The following ABI3BP variants were observed in gnomAD, a reference collection of about 807,000 sequenced individuals.
ABI3BP encodes the protein ABI family member 3 binding protein.
A neutral mutation model predicts 268.6 loss-of-function variants in ABI3BP; 216 were observed. The ratio of observed to expected loss-of-function variants is 0.80; its 90% CI spans 0.72 to 0.90. ABI3BP has a LOEUF of 0.90. Ranked by LOEUF, ABI3BP falls within the 40% of genes least tolerant of loss-of-function variation. The probability of loss-of-function intolerance (pLI) is 0.00; values close to 1 mark genes in which losing one functional copy is unlikely to be tolerated. For synonymous variants in ABI3BP, 730 were observed against 730.0 expected, an observed-to-expected ratio of 1.00 and a Z score of 0.00; for missense variants, 2,090 against 2,182.4, an observed-to-expected ratio of 0.96 and a Z score of 0.84.
intron 1 of ABI3BP, among the ~76,000 whole-genome samples, chr3:100,973,584 C>T (rs912917353): frequency 2.6e-5 from 4 of 152,156 alleles, no homozygotes; most frequent in African/African-American, 4.8e-5. Flanking sequence ...TTCATTCCTT[C>T]TTTCACCAAC....
In ABI3BP at chr3:100,982,173, TGG is replaced by T. The variant is rs1176808241; in HGVS notation, c.79+11131_79+11132del. 1.6e-4 allele frequency among the ~76,000 whole-genome samples: 16 copies of T among 101,434 alleles called. No individual in the cohort carries two copies. The East Asian group carries it at 0.016, about 99-fold the overall frequency. 66.5% of individuals were successfully genotyped at this position (101,434 alleles called of 152,430 possible). A position where few individuals can be genotyped will look rare whatever the true frequency, so the allele number is the denominator to read the frequency against. The stretch of plus-strand genomic sequence containing the variant: ...AGAACTCACTATCACGAGAACAGCG[TGG>T]GAGAAACCACCCCCATGATCCAATC... On this transcript the variant is annotated intron_variant, in intron 1 of 67. Coordinates refer to ENST00000471714, the MANE Select transcript of ABI3BP (RefSeq NM_001375547.2).
intron 1 of ABI3BP, among the ~76,000 whole-genome samples, chr3:100,974,218 CACTT>C (rs1562211250): frequency 6.6e-6 from 1 of 152,082 alleles, no homozygotes; most frequent in African/African-American, 2.4e-5. Flanking sequence ...TATAAACAAA[CACTT>C]AATATATGAC....
In ABI3BP at chr3:100,758,420, G is replaced by A. The variant is rs1422122538; in HGVS notation, c.4851-3729C>T. On this transcript the variant is annotated intron_variant, in intron 63 of 67. Coordinates refer to ENST00000471714, the MANE Select transcript of ABI3BP (RefSeq NM_001375547.2). ...ATAAGTATTCACTAGTATCATATTT[G>A]TATCTCTAGATAATTTTTTTTAAAG... Among the ~76,000 whole-genome samples the A allele has an allele frequency of 2.0e-5, 3 of 152,268 alleles. No homozygotes were observed. In the East Asian group the frequency reaches 5.8e-4, roughly 29 times the overall value.
chr3:100,878,822 C>A (rs1024640537), intron 6 of ABI3BP, among the ~76,000 whole-genome samples: 5 of 138,242 alleles, frequency 3.6e-5, no homozygotes, highest in Non-Finnish European at 8.1e-5. Context: ...TGGCATATAG[C>A]CTCTAACTCC....
rs568312676 is a variant in ABI3BP at position 100,886,031 on chromosome 3, C to A, written c.643+111G>T. Reference sequence around the variant, plus strand: ...CTTCTATATTTTCATAAATACTAGACCTTAGGAATTAGCTTATTTCATATT... The same window carrying A: ...CTTCTATATTTTCATAAATACTAGAACTTAGGAATTAGCTTATTTCATATT... On this transcript the variant is annotated intron_variant, in intron 5 of 67. Transcript: ENST00000471714. 7 of 754,718 alleles carry A rather than the reference C, an allele frequency of 9.3e-6. No individual in the cohort carries two copies. The Admixed American group carries it at 1.4e-4, about 15-fold the overall frequency. 46.8% of individuals were successfully genotyped at this position (754,718 alleles called of 1,614,324 possible). A position where few individuals can be genotyped will look rare whatever the true frequency, so the allele number is the denominator to read the frequency against.
intron 1 of ABI3BP, among the ~76,000 whole-genome samples, chr3:100,985,969 T>TA (rs1197114343): frequency 7.2e-5 from 11 of 152,234 alleles, no homozygotes; most frequent in Admixed American, 7.2e-4. Flanking sequence ...GACTCTTACA[T>TA]AATCTGAGGT....
intron 2 of ABI3BP, among the ~76,000 whole-genome samples, chr3:100,908,574 T>A (rs2054661175): frequency 6.6e-6 from 1 of 151,262 alleles, no homozygotes; most frequent in Middle Eastern, 3.4e-3. Context: ...GGATACAAAA[T>A]CAATGTGCAA....
At chr3:100,931,190 C>G (rs2063514376) in intron 1 of ABI3BP, among the ~76,000 whole-genome samples, 1 of 152,002 alleles carries the variant, frequency 6.6e-6, no homozygotes, top group South Asian at 2.1e-4. Flanking sequence ...AGGACCATAG[C>G]TCAAAATAAT....
At chr3:100,958,166 C>G (rs2576391) in intron 1 of ABI3BP, among the ~76,000 whole-genome samples, 131,917 of 152,234 alleles carry the variant, frequency 0.87, 57,270 homozygotes, top group East Asian at 1. Context: ...CAATGAGTTT[C>G]ATTGTAAGTC....
intron 1 of ABI3BP, among the ~76,000 whole-genome samples, chr3:100,978,507 C>T (rs1321643467): frequency 1.3e-5 from 2 of 152,162 alleles, no homozygotes; most frequent in Non-Finnish European, 2.9e-5. Flanking sequence ...AACCTTTCAA[C>T]TGAAGTTTTA....
intron 6 of ABI3BP, among the ~76,000 whole-genome samples, chr3:100,883,613 T>G (rs974579656): frequency 3.9e-5 from 6 of 152,092 alleles, no homozygotes; most frequent in African/African-American, 1.4e-4. Flanking sequence ...GCCAACAATT[T>G]AGCGATGAAA....
chr3:100,866,270 T>C (rs146168427), intron 10 of ABI3BP, among the ~76,000 whole-genome samples: 2 of 152,326 alleles, frequency 1.3e-5, no homozygotes, highest in East Asian at 3.9e-4. Flanking sequence ...GCTCAAAGAT[T>C]AATGCCTCCC....
At chr3:100,899,340 T>G (rs1303065420) in intron 3 of ABI3BP, among the ~76,000 whole-genome samples, 2 of 152,196 alleles carry the variant, frequency 1.3e-5, no homozygotes, top group African/African-American at 2.4e-5. Flanking sequence ...AAATAACATC[T>G]AAGACAAGAA....
At chr3:100,875,636 C>T in intron 7 of ABI3BP, 57 bp from the exon 8 acceptor site, 3 of 1,268,420 alleles carry the variant, frequency 2.4e-6, no homozygotes, top group South Asian at 1.2e-5. Context: ...CAGTAAGAAG[C>T]TAATAATGTG....
chr3:100,931,441 G>T (rs2063593538), intron 1 of ABI3BP, among the ~76,000 whole-genome samples: 1 of 151,996 alleles, frequency 6.6e-6, no homozygotes, highest in African/African-American at 2.4e-5. Flanking sequence ...ATATAATTCT[G>T]TACCTAGAAA....
chr3:100,911,458 CT>C (rs1160330478), intron 2 of ABI3BP: 5 of 375,976 alleles, frequency 1.3e-5, no homozygotes, highest in Non-Finnish European at 2.5e-5. Flanking sequence ...TGTTTATATC[CT>C]TTACTAGTTT....
intron 54 of ABI3BP, among the ~76,000 whole-genome samples, chr3:100,794,172 T>C (rs2097273952): frequency 6.6e-6 from 1 of 152,044 alleles, no homozygotes; most frequent in African/African-American, 2.4e-5. Flanking sequence ...AGTTTGTTTG[T>C]TCAACATGTT....
chr3:100,873,399 C>CT (rs984639530), intron 9 of ABI3BP, among the ~76,000 whole-genome samples: 7 of 151,894 alleles, frequency 4.6e-5, no homozygotes, highest in African/African-American at 1.2e-4. Context: ...GATTTGATGT[C>CT]TTTTTTCCCC....
At chr3:100,775,062 A>G in intron 60 of ABI3BP, 145 bp downstream of exon 60, 1 of 986,380 alleles carries the variant, frequency 1.0e-6, no homozygotes, top group South Asian at 1.9e-5. Flanking sequence ...AATAAGTATT[A>G]TTTTAAAATT....
Sources: gnomAD v4.1 joint callset for allele counts (sites outside exome capture counted in the v4.1 genomes callset) on GRCh38, gnomAD v4.1.1 for gene constraint, MANE v1.5 for transcripts, NCBI Gene and HGNC (gene_info 2026-07-23, HGNC 2026-07-21) for gene names.